The following PLCB1 variants were observed in gnomAD, a reference collection of about 807,000 sequenced individuals.
PLCB1 encodes 1-phosphatidylinositol 4,5-bisphosphate phosphodiesterase beta-1.
PLCB1 carries 46 observed loss-of-function variants against 161.8 expected under a neutral mutation model. That is an observed-to-expected ratio of 0.28 (90% CI 0.22 to 0.36). The LOEUF (loss-of-function observed/expected upper bound fraction) is 0.36, where lower values mean the gene tolerates loss of function less well. Among genes scored for constraint, PLCB1 ranks in the 10% least tolerant of loss-of-function variants. The probability of loss-of-function intolerance (pLI) is 1.00; values close to 1 mark genes in which losing one functional copy is unlikely to be tolerated. For synonymous variants in PLCB1, 517 were observed against 503.7 expected (o/e 1.03, Z -0.35); for missense variants, 1,016 against 1,472.5 (o/e 0.69, Z 5.07).
chr20:8,304,101 G>A (rs79179713), intron 2 of PLCB1, among the ~76,000 whole-genome samples: 2,665 of 152,264 alleles, frequency 0.018, 86 homozygotes, highest in African/African-American at 0.06. Flanking sequence ...ACACCAAACA[G>A]TAAGTCCTGG....
At chr20:8,564,910 A>G (rs560092309) in intron 3 of PLCB1, among the ~76,000 whole-genome samples, 23 of 152,350 alleles carry the variant, frequency 1.5e-4, no homozygotes, top group African/African-American at 5.3e-4. Flanking sequence ...TAGTTCAACC[A>G]TTGTGGAAGA....
At chr20:8,861,728 C>CAAAA (rs35862889) in intron 31 of PLCB1, among the ~76,000 whole-genome samples, 3 of 108,160 alleles carry the variant, frequency 2.8e-5, no homozygotes, top group African/African-American at 3.6e-5. Flanking sequence ...GACTCTACCT[C>CAAAA]AAAAAAAAAA....
chr20:8,709,138 G>A (rs757190201), intron 12 of PLCB1, among the ~76,000 whole-genome samples: 1 of 152,072 alleles, frequency 6.6e-6, no homozygotes, highest in African/African-American at 2.4e-5. Context: ...TCACTTTGTG[G>A]CAGGTGGGGG....
At chr20:8,870,946 C>T (rs985870475) in intron 31 of PLCB1, among the ~76,000 whole-genome samples, 1 of 152,170 alleles carries the variant, frequency 6.6e-6, no homozygotes, top group Non-Finnish European at 1.5e-5. Context: ...CAGTGTGGTT[C>T]TTAGACCAGC....
chr20:8,281,672 G>C (rs117748981), intron 2 of PLCB1, among the ~76,000 whole-genome samples: 1,614 of 152,210 alleles, frequency 0.011, 12 homozygotes, highest in Non-Finnish European at 0.019. Flanking sequence ...TGGTATGGTT[G>C]CATTGCCTTT....
intron 2 of PLCB1, among the ~76,000 whole-genome samples, chr20:8,188,329 G>T: frequency 6.6e-6 from 1 of 152,118 alleles, no homozygotes; most frequent in Non-Finnish European, 1.5e-5. Flanking sequence ...ATGGTCTAGT[G>T]GGAGGGGCTA....
At chr20:8,356,987 T>C (rs533466781) in intron 2 of PLCB1, among the ~76,000 whole-genome samples, 50 of 152,220 alleles carry the variant, frequency 3.3e-4, no homozygotes, top group African/African-American at 9.4e-4. Flanking sequence ...GAGGAAGTAA[T>C]TTGGAGGAAG....
chr20:8,311,562 G>A (rs1452779997), intron 2 of PLCB1, among the ~76,000 whole-genome samples: 4 of 152,148 alleles, frequency 2.6e-5, no homozygotes, highest in Non-Finnish European at 4.4e-5. Flanking sequence ...TGATTGGGTG[G>A]CATCCAAAAT....
At chr20:8,390,525 A>G (rs1987557157) in intron 3 of PLCB1, among the ~76,000 whole-genome samples, 1 of 152,180 alleles carries the variant, frequency 6.6e-6, no homozygotes, top group African/African-American at 2.4e-5. Flanking sequence ...CTAGCTTAGG[A>G]TTTGCTTCTT....
At chr20:8,463,958 T>A (rs560668648) in intron 3 of PLCB1, among the ~76,000 whole-genome samples, 1 of 152,284 alleles carries the variant, frequency 6.6e-6, no homozygotes, top group East Asian at 1.9e-4. Flanking sequence ...TCCTTCTGAC[T>A]GTAGTTGGTT....
intron 19 of PLCB1, among the ~76,000 whole-genome samples, chr20:8,734,937 T>G (rs1205655010): frequency 1.3e-5 from 2 of 152,340 alleles, no homozygotes; most frequent in East Asian, 3.9e-4. Flanking sequence ...ACCTTAAAAC[T>G]TTCGTCACTT....
chr20:8,321,061 T>C (rs891976611), intron 2 of PLCB1, among the ~76,000 whole-genome samples: 2 of 151,882 alleles, frequency 1.3e-5, no homozygotes, highest in Non-Finnish European at 2.9e-5. Flanking sequence ...TATAATGGAT[T>C]CCAATATTTT....
intron 3 of PLCB1, among the ~76,000 whole-genome samples, chr20:8,530,549 A>C (rs1347226163): frequency 6.6e-6 from 1 of 152,114 alleles, no homozygotes; most frequent in Non-Finnish European, 1.5e-5. Context: ...ATAATCAAAG[A>C]ATATGTTCAG....
chr20:8,534,903 T>C (rs1189883885), intron 3 of PLCB1, among the ~76,000 whole-genome samples: 2 of 151,944 alleles, frequency 1.3e-5, no homozygotes, highest in African/African-American at 2.4e-5. Context: ...AGCCTACAGT[T>C]TCCTTATATC....
At chr20:8,257,087 C>T (rs1385591699) in intron 2 of PLCB1, among the ~76,000 whole-genome samples, 2 of 152,116 alleles carry the variant, frequency 1.3e-5, no homozygotes. Flanking sequence ...GTTCTGTCTC[C>T]AGAGATACCT....
At chr20:8,489,488 A>G (rs768673086) in intron 3 of PLCB1, among the ~76,000 whole-genome samples, 16 of 152,234 alleles carry the variant, frequency 1.1e-4, no homozygotes, top group Non-Finnish European at 2.1e-4. Flanking sequence ...TGTGAAAAGC[A>G]TAACTTGGCT....
intron 31 of PLCB1, among the ~76,000 whole-genome samples, chr20:8,844,748 A>G (rs1447776731): frequency 6.6e-6 from 1 of 152,202 alleles, no homozygotes; most frequent in Non-Finnish European, 1.5e-5. Flanking sequence ...CTTTTCCCAT[A>G]ATCCAATAGA....
intron 31 of PLCB1, among the ~76,000 whole-genome samples, chr20:8,854,517 TAATC>T (rs1387285310): frequency 1.3e-5 from 2 of 152,210 alleles, no homozygotes; most frequent in Admixed American, 1.3e-4. Flanking sequence ...GCCACAAACT[TAATC>T]AAGATTACAG....
At chr20:8,590,037 A>C (rs1987102955) in intron 3 of PLCB1, among the ~76,000 whole-genome samples, 1 of 152,122 alleles carries the variant, frequency 6.6e-6, no homozygotes, top group South Asian at 2.1e-4. Flanking sequence ...AGAATTTCAA[A>C]ATATGAATTT....
Sources: gnomAD v4.1 joint callset for allele counts (sites outside exome capture counted in the v4.1 genomes callset) on GRCh38, gnomAD v4.1.1 for gene constraint, MANE v1.5 for transcripts, NCBI Gene and HGNC (gene_info 2026-07-23, HGNC 2026-07-21) for gene names.